Variants in DLG2 observed in about 807,000 individuals in gnomAD.
DLG2 encodes discs large MAGUK scaffold protein 2, also known as disks large homolog 2.
DLG2 carries 45 observed loss-of-function variants against 132.5 expected under a neutral mutation model. The observed-to-expected ratio is 0.34, with a 90% confidence interval of 0.27 to 0.44. The LOEUF is 0.44. Ranked by LOEUF, DLG2 falls within the 20% of genes least tolerant of loss-of-function variation. DLG2 has a pLI of 1.00. For synonymous variants in DLG2, 424 were observed against 419.6 expected (o/e 1.01, Z -0.13); for missense variants, 1,045 against 1,196.9 (o/e 0.87, Z 1.87).
At chr11:83,871,760 C>A (rs1345747146) in intron 16 of DLG2, among the ~76,000 whole-genome samples, 1 of 152,162 alleles carries the variant, frequency 6.6e-6, no homozygotes, top group African/African-American at 2.4e-5. Context: ...TAAGTTATTT[C>A]TACCTGAAAT....
At chr11:85,105,911 G>A (rs549094982) in intron 6 of DLG2, among the ~76,000 whole-genome samples, 2 of 151,056 alleles carry the variant, frequency 1.3e-5, no homozygotes, top group African/African-American at 4.9e-5. Flanking sequence ...GCCATGGTCT[G>A]TGTATTTATG....
chr11:85,368,835 C>A (rs1228118645), intron 3 of DLG2, among the ~76,000 whole-genome samples: 2 of 152,218 alleles, frequency 1.3e-5, no homozygotes, highest in Non-Finnish European at 1.5e-5. Flanking sequence ...TGCGGTGGAA[C>A]CGCAGGAAGT....
intron 6 of DLG2, among the ~76,000 whole-genome samples, chr11:84,821,061 C>T (rs1210189759): frequency 6.6e-6 from 1 of 151,664 alleles, no homozygotes; most frequent in East Asian, 1.9e-4. Flanking sequence ...TAAGGAAATG[C>T]AGAAAAAAAT....
chr11:84,754,733 T>G (rs1597374328), intron 6 of DLG2, among the ~76,000 whole-genome samples: 1 of 152,298 alleles, frequency 6.6e-6, no homozygotes, highest in African/African-American at 2.4e-5. Flanking sequence ...ACACGTTTGT[T>G]GAAACCCACA....
chr11:85,293,267 A>C (rs994646176), intron 3 of DLG2, among the ~76,000 whole-genome samples: 2 of 152,104 alleles, frequency 1.3e-5, no homozygotes, highest in Non-Finnish European at 2.9e-5. Flanking sequence ...CTCCCCACCA[A>C]TTAGAACAAA....
At chr11:83,780,728 T>C (rs1457845154) in intron 18 of DLG2, among the ~76,000 whole-genome samples, 4 of 152,302 alleles carry the variant, frequency 2.6e-5, no homozygotes, top group African/African-American at 9.6e-5. Context: ...GTAGACAAAG[T>C]AGAGCTGAAT....
intron 4 of DLG2, among the ~76,000 whole-genome samples, chr11:85,210,684 G>C (rs2082197945): frequency 6.6e-6 from 1 of 152,072 alleles, no homozygotes; most frequent in Non-Finnish European, 1.5e-5. Context: ...CCTTCCCCAA[G>C]ATGGTCCCAG....
intron 21 of DLG2, among the ~76,000 whole-genome samples, chr11:83,497,529 C>G (rs57477484): frequency 6.6e-6 from 1 of 150,800 alleles, no homozygotes; most frequent in African/African-American, 2.4e-5. Flanking sequence ...AGAGAGACTT[C>G]GTCTCAAAAA....
intron 7 of DLG2, among the ~76,000 whole-genome samples, chr11:84,370,333 C>G (rs894553642): frequency 6.6e-6 from 1 of 151,980 alleles, no homozygotes; most frequent in East Asian, 1.9e-4. Flanking sequence ...GAAAAATAAA[C>G]TATGTAATTA....
At chr11:85,240,282 A>G (rs549423929) in intron 4 of DLG2, among the ~76,000 whole-genome samples, 10 of 151,954 alleles carry the variant, frequency 6.6e-5, no homozygotes, top group Non-Finnish European at 1.3e-4. Flanking sequence ...ATCATTATAT[A>G]TTGATGTTGA....
intron 3 of DLG2, among the ~76,000 whole-genome samples, chr11:85,350,059 C>T (rs1260423874): frequency 6.6e-6 from 1 of 152,224 alleles, no homozygotes; most frequent in Non-Finnish European, 1.5e-5. Flanking sequence ...TTCTCAACAT[C>T]CTGTCCAGCA....
In DLG2 at chr11:85,250,069, G is replaced by A. The variant is rs560877985; in HGVS notation, c.186+35151C>T. ...AATGGCTAAACAGAAATTTTTACAG[G>A]GGCCCAGCCCAAAGGAGGGAGTGAT... On this transcript the variant is annotated intron_variant, in intron 4 of 27. Coordinates refer to ENST00000376104, the MANE Select transcript of DLG2 (RefSeq NM_001142699.3). Among the ~76,000 whole-genome samples, 20 of 152,204 alleles carry A rather than the reference G, an allele frequency of 1.3e-4. No homozygotes were observed. In the South Asian group the frequency reaches 3.9e-3, roughly 30 times the overall value.
chr11:84,763,428 T>G (rs2067933409), intron 6 of DLG2: 1 of 152,226 alleles, frequency 6.6e-6, no homozygotes, highest in African/African-American at 2.4e-5. Context: ...CATTTGCTTC[T>G]TAGTCTTGGT....
chr11:84,228,501 T>C (rs1020311569), intron 8 of DLG2, among the ~76,000 whole-genome samples: 1 of 152,188 alleles, frequency 6.6e-6, no homozygotes, highest in Non-Finnish European at 1.5e-5. Context: ...GAAAAATAAT[T>C]CCAAGTGGTT....
At chr11:85,016,898 TC>T (rs537831830) in intron 6 of DLG2, among the ~76,000 whole-genome samples, 83 of 149,792 alleles carry the variant, frequency 5.5e-4, no homozygotes, top group Non-Finnish European at 2.1e-4. Flanking sequence ...CTAGGCCTTT[TC>T]CTACTCTCTT....
In DLG2 at chr11:83,976,807, C is replaced by T. The variant is rs143920652; in HGVS notation, c.1056+3699G>A. On this transcript the variant is annotated intron_variant, in intron 12 of 27. Coordinates refer to ENST00000376104, the MANE Select transcript of DLG2 (RefSeq NM_001142699.3). ...ATTATGTCACAGCTATTTTCGAAAT[C>T]ATTTTTTTTTGAGAGTTCATCTTGA... 9.3e-3 allele frequency among the ~76,000 whole-genome samples: 1,405 copies of T among 151,874 alleles called. 9 individuals are homozygous for T. The highest frequency in any genetic ancestry group is 0.015 in the Non-Finnish European group (1,033 of 67,818).
intron 6 of DLG2, chr11:84,800,677 GTAAA>G (rs1191369835): frequency 6.6e-6 from 1 of 152,052 alleles, no homozygotes; most frequent in Non-Finnish European, 1.5e-5. Flanking sequence ...ATTTTGATGA[GTAAA>G]TAAAAAGACT....
intron 20 of DLG2, among the ~76,000 whole-genome samples, chr11:83,538,470 A>G (rs2095957238): frequency 6.6e-6 from 1 of 152,214 alleles, no homozygotes; most frequent in South Asian, 2.1e-4. Flanking sequence ...TACTTGAATT[A>G]TCTGACTTTC....
intron 6 of DLG2, among the ~76,000 whole-genome samples, chr11:85,071,806 C>A (rs1016647727): frequency 2.0e-5 from 3 of 151,762 alleles, no homozygotes; most frequent in African/African-American, 4.8e-5. Flanking sequence ...CTGGACCAAG[C>A]CTTGAAGCCA....
Sources: gnomAD v4.1 joint callset for allele counts (sites outside exome capture counted in the v4.1 genomes callset) on GRCh38, gnomAD v4.1.1 for gene constraint, MANE v1.5 for transcripts, NCBI Gene and HGNC (gene_info 2026-07-23, HGNC 2026-07-21) for gene names.